Variants in GDPD5 observed in about 807,000 individuals in gnomAD.
GDPD5 encodes the protein glycerophosphodiester phosphodiesterase 2.
GDPD5 carries 48 observed loss-of-function variants against 75.1 expected under a neutral mutation model. That is an observed-to-expected ratio of 0.64 (90% confidence interval 0.51 to 0.81). GDPD5 has a LOEUF of 0.81. Among genes scored for constraint, GDPD5 ranks in the 40% least tolerant of loss-of-function variants. GDPD5 has a pLI of 0.00. For synonymous variants in GDPD5, 336 were observed against 339.0 expected, an observed-to-expected ratio of 0.99 and a Z score of 0.10; for missense variants, 706 against 822.6, an observed-to-expected ratio of 0.86 and a Z score of 1.73.
At chr11:75,453,185 G>A (rs1474975137) in intron 6 of GDPD5, among the ~76,000 whole-genome samples, 2 of 152,076 alleles carry the variant, frequency 1.3e-5, no homozygotes, top group African/African-American at 2.4e-5. Flanking sequence ...TGGGGAGGAG[G>A]AGGAAGGTCC....
At chr11:75,469,935 GCCCTTAGA>G (rs376419617) in intron 3 of GDPD5, among the ~76,000 whole-genome samples, 181 of 152,298 alleles carry the variant, frequency 1.2e-3, no homozygotes, top group African/African-American at 4.0e-3. Context: ...CACGTGTTGA[GCCCTTAGA>G]CACTCAGAGA....
At chr11:75,436,753 A>T (rs1948636848) in intron 16 of GDPD5, among the ~76,000 whole-genome samples, 183 bp downstream of exon 16, 1 of 152,096 alleles carries the variant, frequency 6.6e-6, no homozygotes. Flanking sequence ...GTGTGTTTTC[A>T]CACGTGTACT....
intron 1 of GDPD5, among the ~76,000 whole-genome samples, chr11:75,520,397 T>C (rs546106234): frequency 6.6e-6 from 1 of 152,340 alleles, no homozygotes; most frequent in East Asian, 1.9e-4. Flanking sequence ...GTTGAGCAAG[T>C]TGTCCATGGG....
chr11:75,518,245 G>A (rs765307242), intron 1 of GDPD5, among the ~76,000 whole-genome samples: 2 of 152,224 alleles, frequency 1.3e-5, no homozygotes, highest in African/African-American at 4.8e-5. Flanking sequence ...GAGAAGACAC[G>A]CAGGGAGCAG....
chr11:75,445,658 C>T (rs1374919707), intron 9 of GDPD5, among the ~76,000 whole-genome samples: 1 of 152,194 alleles, frequency 6.6e-6, no homozygotes, highest in Non-Finnish European at 1.5e-5. Flanking sequence ...TCATTCATTC[C>T]CACTGAAGAC....
rs144584811 is a variant in GDPD5 at position 75,439,879 on chromosome 11, T to C, written c.1556A>G (p.Lys519Arg). ...ACGGAAGTGGTCAGATCCTACTCAC[T>C]TCTGGAGCACGAAGATGCCCACGAT... The part of the protein sequence containing the change: ...TLIVGIFVLQ[K>R]WRLGGIRSYN... The change falls in exon 15 of 17, where the codon AAG (lysine) becomes AGG (arginine). Residue 519 changes from lysine to arginine, a missense_variant and splice_region_variant. By Grantham distance (26) the Lys-to-Arg change is conservative (BLOSUM62 2). Coordinates refer to ENST00000336898, the MANE Select transcript of GDPD5 (RefSeq NM_030792.8). 4 of 1,613,220 alleles carry C rather than the reference T, an allele frequency of 2.5e-6. No individual in the cohort carries two copies. Among genetic ancestry groups the C allele is most frequent in the Non-Finnish European group, 3.4e-6 (4 of 1,179,340 alleles).
At chr11:75,515,342 G>A (rs909893180) in intron 1 of GDPD5, among the ~76,000 whole-genome samples, 1 of 152,188 alleles carries the variant, frequency 6.6e-6, no homozygotes, top group African/African-American at 2.4e-5. Flanking sequence ...GCCTCCTCTT[G>A]GGCAAGGCTC....
chr11:75,462,234 T>C (rs1949429623), intron 4 of GDPD5, among the ~76,000 whole-genome samples: 1 of 152,162 alleles, frequency 6.6e-6, no homozygotes, highest in Non-Finnish European at 1.5e-5. Flanking sequence ...CTATTGTCCA[T>C]GGTCACAGCA....
At chr11:75,498,983 C>T (rs1302361878) in intron 1 of GDPD5, among the ~76,000 whole-genome samples, 1 of 152,150 alleles carries the variant, frequency 6.6e-6, no homozygotes, top group Non-Finnish European at 1.5e-5. Context: ...TGGAAATAGC[C>T]TCTTGCTTCT....
intron 15 of GDPD5, among the ~76,000 whole-genome samples, chr11:75,439,126 G>A (rs764550060): frequency 6.6e-6 from 1 of 152,190 alleles, no homozygotes; most frequent in Non-Finnish European, 1.5e-5. Context: ...AAACGGCCGT[G>A]GGAACAGGGA....
Position 75,456,441 on chromosome 11 carries a change from G to A in GDPD5, c.375+316C>T, listed in dbSNP as rs150216544. The A allele has an allele frequency of 4.9e-4, 194 of 392,366 alleles. No homozygotes were observed. In the East Asian group the frequency reaches 7.1e-3, roughly 14 times the overall value. 24.3% of individuals were successfully genotyped at this position (392,366 alleles called of 1,614,324 possible). ...AGCTCTGCTGGTTAATCACATGACT[G>A]CGGGACCCTGGATCTTCCATGTTTA... On this transcript the variant is annotated intron_variant, in intron 6 of 16. Coordinates refer to ENST00000336898, the MANE Select transcript of GDPD5 (RefSeq NM_030792.8).
chr11:75,440,948 C>G (rs763823546), intron 14 of GDPD5, among the ~76,000 whole-genome samples: 1 of 152,190 alleles, frequency 6.6e-6, no homozygotes, highest in African/African-American at 2.4e-5. Flanking sequence ...TGCTTTTCTC[C>G]CTGTGGATGA....
At chr11:75,518,482 T>C (rs1217032146) in intron 1 of GDPD5, among the ~76,000 whole-genome samples, 2 of 152,222 alleles carry the variant, frequency 1.3e-5, no homozygotes, top group Non-Finnish European at 2.9e-5. Context: ...TACTGATGCC[T>C]GGGTCATGCC....
At chr11:75,437,195 G>A (rs1028455945) in intron 15 of GDPD5, 147 bp from the exon 16 acceptor site, 1 of 622,948 alleles carries the variant, frequency 1.6e-6, no homozygotes, top group Non-Finnish European at 2.8e-6. Context: ...TAGGCCCAGA[G>A]AGGGCAGAGT....
At chr11:75,444,390 T>A (rs781140851) in intron 10 of GDPD5, 23 bp downstream of exon 10, 1 of 1,562,686 alleles carries the variant, frequency 6.4e-7, no homozygotes, top group East Asian at 2.2e-5. Flanking sequence ...GTAGAGGAAC[T>A]ATCTCCCCTC....
intron 3 of GDPD5, among the ~76,000 whole-genome samples, chr11:75,470,482 C>T (rs534345635): frequency 1.3e-5 from 2 of 152,282 alleles, no homozygotes; most frequent in Admixed American, 1.3e-4. Flanking sequence ...TTTACACCCA[C>T]GATTTCTCGG....
intron 1 of GDPD5, among the ~76,000 whole-genome samples, chr11:75,498,301 T>C (rs1467967357): frequency 3.3e-5 from 5 of 152,220 alleles, no homozygotes; most frequent in African/African-American, 1.2e-4. Flanking sequence ...TGTTTATTTG[T>C]TCCTGGAATG....
intron 3 of GDPD5, among the ~76,000 whole-genome samples, chr11:75,472,134 TG>T (rs1188736669): frequency 1.3e-5 from 2 of 152,036 alleles, no homozygotes; most frequent in Non-Finnish European, 2.9e-5. Context: ...ATGATCTAAT[TG>T]TATCTGTAGG....
intron 1 of GDPD5, chr11:75,492,399 G>T (rs1403722316): frequency 6.6e-6 from 1 of 152,190 alleles, no homozygotes; most frequent in Non-Finnish European, 1.5e-5. Context: ...GGAAGTGCTC[G>T]GCCCCAAACA....
Sources: allele counts gnomAD v4.1 joint callset (sites outside exome capture counted in the v4.1 genomes callset), GRCh38; gene constraint gnomAD v4.1.1; transcripts MANE v1.5; gene names NCBI Gene and HGNC (gene_info 2026-07-23, HGNC 2026-07-21).